Variants in NEGR1 observed in about 807,000 individuals in gnomAD.
The protein encoded by NEGR1 is IgLON family member 4.
Under a neutral mutation model 40.9 loss-of-function variants are expected in NEGR1, and 10 were observed. That is an observed-to-expected ratio of 0.24 (90% confidence interval 0.15 to 0.42). The LOEUF (loss-of-function observed/expected upper bound fraction) is 0.42, where lower values mean the gene tolerates loss of function less well. Ranked by LOEUF, NEGR1 falls within the 10% of genes least tolerant of loss-of-function variation. The pLI, the probability that NEGR1 is intolerant of heterozygous loss-of-function variation, is 1.00. For synonymous variants in NEGR1, 185 were observed against 166.8 expected, an observed-to-expected ratio of 1.11 and a Z score of -0.84; for missense variants, 352 against 438.9, an observed-to-expected ratio of 0.80 and a Z score of 1.77.
intron 4 of NEGR1, among the ~76,000 whole-genome samples, chr1:71,616,083 T>C (rs1336529609): frequency 1.3e-5 from 2 of 152,228 alleles, no homozygotes; most frequent in African/African-American, 4.8e-5. Context: ...CAGACATGTC[T>C]GATAATGCCC....
chr1:71,492,821 A>G (rs980859149), intron 6 of NEGR1, among the ~76,000 whole-genome samples: 1 of 152,176 alleles, frequency 6.6e-6, no homozygotes, highest in African/African-American at 2.4e-5. Context: ...TAACAAAAAT[A>G]TGTAAAAAAT....
At chr1:71,748,186 C>T (rs1238257929) in intron 3 of NEGR1, among the ~76,000 whole-genome samples, 1 of 152,154 alleles carries the variant, frequency 6.6e-6, no homozygotes, top group African/African-American at 2.4e-5. Flanking sequence ...TATTTTGACA[C>T]ACAATCTAGT....
At chr1:72,120,056 T>C (rs535309970) in intron 1 of NEGR1, among the ~76,000 whole-genome samples, 5 of 152,174 alleles carry the variant, frequency 3.3e-5, no homozygotes, top group African/African-American at 1.2e-4. Flanking sequence ...TTTTGGGTTT[T>C]ACATAATTTT....
intron 2 of NEGR1, among the ~76,000 whole-genome samples, chr1:71,804,672 TCTTTA>T (rs1475526364): frequency 6.6e-6 from 1 of 152,226 alleles, no homozygotes; most frequent in East Asian, 1.9e-4. Context: ...CCTATGCCTG[TCTTTA>T]CTTTAATCTC....
At chr1:71,997,066 G>T (rs1358969769) in intron 1 of NEGR1, among the ~76,000 whole-genome samples, 1 of 151,830 alleles carries the variant, frequency 6.6e-6, no homozygotes, top group Non-Finnish European at 1.5e-5. Flanking sequence ...ACCTCTATTT[G>T]ATGTGTTCCC....
intron 3 of NEGR1, among the ~76,000 whole-genome samples, chr1:71,718,622 CT>C (rs1371364619): frequency 6.6e-6 from 1 of 151,968 alleles, no homozygotes; most frequent in Non-Finnish European, 1.5e-5. Context: ...CAGTTGTTGA[CT>C]TTTTATTTTG....
At chr1:71,821,047 A>G (rs1658411147) in intron 2 of NEGR1, among the ~76,000 whole-genome samples, 1 of 151,972 alleles carries the variant, frequency 6.6e-6, no homozygotes, top group Non-Finnish European at 1.5e-5. Flanking sequence ...TTATTCTGGA[A>G]AATGTATTAT....
chr1:71,755,297 T>A (rs549596532), intron 3 of NEGR1, among the ~76,000 whole-genome samples: 1 of 152,176 alleles, frequency 6.6e-6, no homozygotes, highest in African/African-American at 2.4e-5. Context: ...TACCCTCAAG[T>A]CAACCTCTCA....
intron 1 of NEGR1, among the ~76,000 whole-genome samples, chr1:72,029,847 A>G (rs1214791423): frequency 6.6e-6 from 1 of 152,234 alleles, no homozygotes; most frequent in African/African-American, 2.4e-5. Context: ...AAGCCAACAT[A>G]TAATAATACT....
At chr1:72,230,464 T>C (rs994355432) in intron 1 of NEGR1, among the ~76,000 whole-genome samples, 12 of 152,064 alleles carry the variant, frequency 7.9e-5, no homozygotes, top group Non-Finnish European at 1.6e-4. Context: ...ATTTCACAAG[T>C]CCTCCAAAAT....
intron 6 of NEGR1, among the ~76,000 whole-genome samples, chr1:71,409,816 T>C (rs946611819): frequency 1.3e-5 from 2 of 151,992 alleles, no homozygotes; most frequent in African/African-American, 4.8e-5. Flanking sequence ...AAATGAGTAT[T>C]TCTGTCCTAC....
At chr1:71,784,993 C>A (rs1193292480) in intron 2 of NEGR1, among the ~76,000 whole-genome samples, 1 of 152,162 alleles carries the variant, frequency 6.6e-6, no homozygotes, top group Admixed American at 6.5e-5. Context: ...ATATTTTGGA[C>A]TGTAAAGATT....
intron 1 of NEGR1, among the ~76,000 whole-genome samples, chr1:72,250,808 G>A (rs1655061188): frequency 6.6e-6 from 1 of 152,160 alleles, no homozygotes; most frequent in Non-Finnish European, 1.5e-5. Flanking sequence ...CAAGAAGAAT[G>A]TGATTTTCCC....
intron 3 of NEGR1, chr1:71,703,483 C>T (rs1013805156): frequency 1.2e-4 from 18 of 146,136 alleles, no homozygotes; most frequent in Non-Finnish European, 2.1e-4. Context: ...TAGAAAGAGA[C>T]CTAGAAATGA....
At chr1:71,952,200 G>A (rs1646076709) in intron 1 of NEGR1, among the ~76,000 whole-genome samples, 1 of 151,956 alleles carries the variant, frequency 6.6e-6, no homozygotes, top group African/African-American at 2.4e-5. Flanking sequence ...AGACAAGACA[G>A]GTTAAAAGTT....
At chr1:71,448,524 A>G (rs1351021903) in intron 6 of NEGR1, among the ~76,000 whole-genome samples, 1 of 152,170 alleles carries the variant, frequency 6.6e-6, no homozygotes, top group African/African-American at 2.4e-5. Context: ...GCTTGAGCCC[A>G]GGAGGTGGAG....
chr1:71,928,433 TATACAC>T (rs78337255), intron 2 of NEGR1, among the ~76,000 whole-genome samples: 423 of 109,148 alleles, frequency 3.9e-3, no homozygotes, highest in East Asian at 0.025. Flanking sequence ...CATATGTATA[TATACAC>T]ATATATATGT....
intron 1 of NEGR1, among the ~76,000 whole-genome samples, chr1:72,271,155 C>T (rs1655830790): frequency 6.6e-6 from 1 of 151,820 alleles, no homozygotes; most frequent in African/African-American, 2.4e-5. Flanking sequence ...ACTAAGCAAT[C>T]ATGATAGATG....
intron 6 of NEGR1, chr1:71,439,732 A>G (rs1342231192): frequency 6.6e-6 from 1 of 152,070 alleles, no homozygotes; most frequent in Non-Finnish European, 1.5e-5. Flanking sequence ...TTACCTTACC[A>G]TGCTTTATTA....
Sources: allele counts gnomAD v4.1 joint callset (sites outside exome capture counted in the v4.1 genomes callset), GRCh38; gene constraint gnomAD v4.1.1; transcripts MANE v1.5; gene names NCBI Gene and HGNC (gene_info 2026-07-23, HGNC 2026-07-21).